SHANK1: variants seen among roughly 807,000 people sequenced by gnomAD.
SHANK1 encodes the protein SH3 and multiple ankyrin repeat domains protein 1.
In SHANK1, 35 loss-of-function variants were observed where a neutral mutation model predicts 165.6. The observed-to-expected ratio is 0.21, with a 90% CI of 0.16 to 0.28. SHANK1 has a LOEUF of 0.28. SHANK1 is among the 10% of genes least tolerant of loss of function. SHANK1 has a pLI of 1.00. For missense variants in SHANK1, 2,681 were observed against 3,036.4 expected (o/e 0.88, Z 2.75); for synonymous variants, 1,428 against 1,384.8 (o/e 1.03, Z -0.69).
At chr19:50,666,099 C>G in intron 23 of SHANK1, 93 bp downstream of exon 23, 1 of 1,248,232 alleles carries the variant, frequency 8.0e-7, no homozygotes, top group South Asian at 1.7e-5. Context: ...AACCTGGTTT[C>G]TGTTTCCTTT....
At chr19:50,676,397 G>A (rs904497108) in intron 21 of SHANK1, among the ~76,000 whole-genome samples, 2 of 152,174 alleles carry the variant, frequency 1.3e-5, no homozygotes, top group African/African-American at 2.4e-5. Context: ...GCATAATGAT[G>A]TGTAGAGGAA....
chr19:50,709,693 G>T (rs1028162360), intron 8 of SHANK1, among the ~76,000 whole-genome samples: 1 of 152,120 alleles, frequency 6.6e-6, no homozygotes, highest in Non-Finnish European at 1.5e-5. Flanking sequence ...GGGACTTCAG[G>T]TGCATGCCAC....
intron 15 of SHANK1, among the ~76,000 whole-genome samples, chr19:50,694,268 G>C (rs1169924081): frequency 6.6e-6 from 1 of 151,702 alleles, no homozygotes; most frequent in Non-Finnish European, 1.5e-5. Context: ...CACACGCACC[G>C]TCGCACAGTG....
rs1279444074 is a variant in SHANK1 at position 50,714,347 on chromosome 19, A to G, written c.532-57T>C. The G allele has an allele frequency of 4.7e-6, 7 of 1,478,314 alleles. No homozygotes were observed. In the East Asian group the frequency reaches 1.6e-4, roughly 34 times the overall value. The allele number at this position is 1,478,314 out of a possible 1,614,324, so 91.6% of individuals were successfully genotyped here. On this transcript the variant is annotated intron_variant, in intron 4 of 23. Transcript: ENST00000293441. ...ACAGTCAGGAGCAAGGCAGAGAAGC[A>G]GGGTCCTCAAGCAGCGACGTCCAGT...
chr19:50,660,732 G>GC lies in SHANK1; in HGVS notation c.*1232_*1233insG, dbSNP rs1051167930. Among the ~76,000 whole-genome samples the GC allele has an allele frequency of 2.9e-5, 4 of 139,572 alleles. No homozygotes were observed. The highest frequency in any genetic ancestry group is 1.1e-4 in the African/African-American group (4 of 37,366). 91.6% of individuals were successfully genotyped at this position (139,572 alleles called of 152,430 possible). ...GAGCACTGAAAATGCTGGGGGGGGGGGCGCGTGTGCAAAAGCAAGTGTGCA... is the reference window on the plus strand; with the variant it reads ...GAGCACTGAAAATGCTGGGGGGGGGGCGCGCGTGTGCAAAAGCAAGTGTGCA... On this transcript the variant is annotated 3_prime_UTR_variant, in exon 24 of 24. Coordinates refer to ENST00000293441, the MANE Select transcript of SHANK1 (RefSeq NM_016148.5).
At chr19:50,693,269 C>T (rs1018005647) in intron 15 of SHANK1, among the ~76,000 whole-genome samples, 3 of 141,236 alleles carry the variant, frequency 2.1e-5, no homozygotes, top group East Asian at 2.3e-4. Context: ...TTCTCTGCTC[C>T]GAACCCTCGG....
At position 50,669,231 on chromosome 19, in the gene SHANK1, C is replaced by A. The variant is rs200565978; in HGVS notation, c.2729G>T (p.Arg910Leu). 8 of 1,611,694 alleles carry A rather than the reference C, an allele frequency of 5.0e-6. No homozygotes were observed. The highest frequency in any genetic ancestry group is 6.8e-6 in the Non-Finnish European group (8 of 1,179,066). ...YLAPPAMKFS[R>L]SLSVPGSEDI... ...CTCCGAACCAGGCACAGACAGGCTG[C>A]GGCTGAATTTCATGGCTGGGGGTGC... The change falls in exon 23 of 24, where the codon CGC becomes CTC. Residue 910 changes from arginine (R) to leucine (L), a missense_variant. Arg to Leu is a moderately radical substitution (Grantham distance 102, BLOSUM62 -2). Coordinates refer to ENST00000293441, the MANE Select transcript of SHANK1 (RefSeq NM_016148.5).
Position 50,686,865 on chromosome 19 carries a change from A to G in SHANK1, c.2390-53T>C, listed in dbSNP as rs1986358235. On this transcript the variant is annotated intron_variant, in intron 19 of 23. Coordinates refer to ENST00000293441, the MANE Select transcript of SHANK1 (RefSeq NM_016148.5). This position sits in a 1 kb window ranked among gnomAD's most constrained non-coding sequence, Gnocchi z 5.7. ...CAGGGAGCCCCCGGGGGCGGGGCGG[A>G]GCGGGCTCGGCCTGTGGGCGTGGCC... 5.6e-6 allele frequency: 9 copies of G among 1,603,478 alleles called. No individual in the cohort carries two copies. The highest frequency in any genetic ancestry group is 7.7e-6 in the Non-Finnish European group (9 of 1,173,396).
Position 50,684,423 on chromosome 19 carries a change from T to G in SHANK1, c.2577+1814A>C, listed in dbSNP as rs533234836. Among the ~76,000 whole-genome samples, 15 of 152,244 alleles carry G rather than the reference T, an allele frequency of 9.9e-5. No individual in the cohort carries two copies. The South Asian group carries it at 3.1e-3, about 32-fold the overall frequency. On this transcript the variant is annotated intron_variant, in intron 21 of 23. Transcript: ENST00000293441. ...GTATTTTTAGTAGAGATGGGGTTTC[T>G]CCACGTTGGTCAGGCTGGTCTCGAA...
At chr19:50,696,102 G>A (rs1381175777) in intron 15 of SHANK1, among the ~76,000 whole-genome samples, 1 of 152,188 alleles carries the variant, frequency 6.6e-6, no homozygotes, top group African/African-American at 2.4e-5. Flanking sequence ...AGGAGTAGGG[G>A]AGGAAGCCCA....
rs146662522 is a variant in SHANK1 at position 50,672,093 on chromosome 19, G to A, written c.2599C>T (p.Arg867Cys). ...GGACGCTCGTAACTTGGCTGGGCAC[G>A]GTGGTGGGGATCGAAGCTCGACTTT... ...ATESSFDPHH[R>C]AQPSYERPSF... Residue 867 changes from arginine (R) to cysteine (C), a missense_variant, in exon 22 of 24, where the codon CGT becomes TGT. Coordinates refer to ENST00000293441, the MANE Select transcript of SHANK1 (RefSeq NM_016148.5). The A allele has an allele frequency of 6.7e-5, 108 of 1,613,742 alleles. No homozygotes were observed. The highest frequency in any genetic ancestry group is 8.6e-5 in the Non-Finnish European group (102 of 1,179,918).
Position 50,665,737 on chromosome 19 carries a change from TA to T in SHANK1, c.5768+454del, listed in dbSNP as rs71182756. On this transcript the variant is annotated intron_variant, in intron 23 of 23. Coordinates refer to ENST00000293441, the MANE Select transcript of SHANK1 (RefSeq NM_016148.5). ...GGGTGACAGAGTGAGACCCTGTTTC[TA>T]AAAAAAAAAAAAAAGCCAGGCATGT... Among the ~76,000 whole-genome samples, 105 of 98,144 alleles carry T rather than the reference TA, an allele frequency of 1.1e-3. 1 individual carries two copies. Among genetic ancestry groups the T allele is most frequent in the East Asian group, 1.7e-3 (6 of 3,592 alleles). 64.4% of individuals were successfully genotyped at this position (98,144 alleles called of 152,430 possible).
At position 50,718,798 on chromosome 19, in the gene SHANK1, C is replaced by T. The variant is rs1413219605; in HGVS notation, c.-44+608G>A. 4.4e-4 allele frequency among the ~76,000 whole-genome samples: 31 copies of T among 69,692 alleles called. No homozygotes were observed. The highest frequency in any genetic ancestry group is 7.6e-4 in the Non-Finnish European group (28 of 36,696). 45.7% of individuals were successfully genotyped at this position (69,692 alleles called of 152,430 possible). ...GCTGGGAAACTGGTGGGGGAGAACC[C>T]GGCCGGGGAGAGGGGCGGGGGGCAC... On this transcript the variant is annotated intron_variant, in intron 1 of 23. Coordinates refer to ENST00000293441, the MANE Select transcript of SHANK1 (RefSeq NM_016148.5). This position sits in a 1 kb window ranked among gnomAD's most constrained non-coding sequence, Gnocchi z 5.1.
intron 3 of SHANK1, 82 bp from the exon 4 acceptor site, chr19:50,715,812 G>T (rs963299844): frequency 4.6e-6 from 6 of 1,316,956 alleles, no homozygotes; most frequent in African/African-American, 2.9e-5. Flanking sequence ...GTAGGGGAAG[G>T]TCTGATCCCC....
Position 50,662,699 on chromosome 19 carries a change from G to T in SHANK1, c.5769-17C>A, listed in dbSNP as rs773633504. On this transcript the variant is annotated splice_polypyrimidine_tract_variant and intron_variant, in intron 23 of 23. Transcript: ENST00000293441. The surrounding 1 kb of genome is among the most constrained non-coding windows in gnomAD (Gnocchi z 7.7). ...TCGGAGAGTCTGGAATGTGACAAGG[G>T]GGCAGTGGGGGAGGACAGGGATTTA... The T allele has an allele frequency of 2.7e-5, 42 of 1,557,386 alleles. 1 individual carries two copies. The South Asian group carries it at 4.9e-4, about 18-fold the overall frequency.
At chr19:50,695,075 T>G (rs1986689352) in intron 15 of SHANK1, among the ~76,000 whole-genome samples, 1 of 143,390 alleles carries the variant, frequency 7.0e-6, no homozygotes. Flanking sequence ...CGGGTCCCGG[T>G]GCCGGCCGCC....
chr19:50,692,823 A>C (rs1599858620), intron 15 of SHANK1, among the ~76,000 whole-genome samples: 8 of 71,538 alleles, frequency 1.1e-4, no homozygotes, highest in African/African-American at 1.7e-4. Context: ...CTCATCCCTG[A>C]CTCCCACAAG....
intron 12 of SHANK1, among the ~76,000 whole-genome samples, chr19:50,699,026 G>T (rs1013924837): frequency 6.6e-6 from 1 of 152,234 alleles, no homozygotes; most frequent in Admixed American, 6.5e-5. Flanking sequence ...GAAAACCCTT[G>T]CCTGGAGATG....
rs1986342619 is a variant in SHANK1 at position 50,686,502 on chromosome 19, C to T, written c.2459-147G>A. ...GCAGCCCTGCCTGGGTCCGGGTGGA[C>T]GGGCAGTCCCGCTTGGAGACACAAT... On this transcript the variant is annotated intron_variant, in intron 20 of 23. Coordinates refer to ENST00000293441, the MANE Select transcript of SHANK1 (RefSeq NM_016148.5). This position sits in a 1 kb window ranked among gnomAD's most constrained non-coding sequence, Gnocchi z 5.7. 2.8e-6 allele frequency: 2 copies of T among 720,288 alleles called. No homozygotes were observed. The highest frequency in any genetic ancestry group is 1.8e-5 in the African/African-American group (1 of 56,346). 44.6% of individuals were successfully genotyped at this position (720,288 alleles called of 1,614,324 possible).
Sources: allele counts gnomAD v4.1 joint callset (sites outside exome capture counted in the v4.1 genomes callset), GRCh38; gene constraint gnomAD v4.1.1; non-coding constraint Gnocchi (gnomAD v3.1); transcripts MANE v1.5; gene names NCBI Gene and HGNC (gene_info 2026-07-23, HGNC 2026-07-21).